The following STX5 variants were observed in gnomAD, a reference collection of about 807,000 sequenced individuals.
STX5 encodes syntaxin-5.
STX5 carries 15 observed loss-of-function variants against 42.9 expected under a neutral mutation model. The observed-to-expected ratio is 0.35, with a 90% CI of 0.23 to 0.54. The LOEUF (loss-of-function observed/expected upper bound fraction) is 0.54. STX5 is among the 20% of genes least tolerant of loss of function. The pLI is 0.91. For missense variants in STX5, 430 were observed against 455.0 expected (o/e 0.95, Z 0.50); for synonymous variants, 184 against 173.2 (o/e 1.06, Z -0.49).
At chr11:62,821,176 T>G (rs2084736085) in intron 10 of STX5, among the ~76,000 whole-genome samples, 1 of 151,338 alleles carries the variant, frequency 6.6e-6, no homozygotes. Flanking sequence ...GGCATGGTGG[T>G]GGGCACCTAT....
chr11:62,814,628 ATTT>A (rs59288995), intron 10 of STX5, among the ~76,000 whole-genome samples: 1 of 136,544 alleles, frequency 7.3e-6, no homozygotes, highest in Non-Finnish European at 1.6e-5. Context: ...CGCTCAGCTA[ATTT>A]TTTTTTTTTT....
intron 10 of STX5, among the ~76,000 whole-genome samples, chr11:62,812,577 C>G (rs568016069): frequency 4.6e-5 from 7 of 151,878 alleles, no homozygotes; most frequent in Admixed American, 1.3e-4. Context: ...GGTCACCACA[C>G]CCGGCTAATT....
In STX5 at chr11:62,824,260, T is replaced by C; in HGVS notation, c.814A>G (p.Thr272Ala). ...ATTGTCGACTCAATGTTCTGCATGGTGTCTGCCCGACTCTGGATGTAGGAA... is the reference window on the plus strand; with the variant it reads ...ATTGTCGACTCAATGTTCTGCATGGCGTCTGCCCGACTCTGGATGTAGGAA... ...QDSYIQSRAD[T>A]MQNIESTIVE... The change falls in exon 10 of 11, where the codon ACC becomes GCC. Residue 272 changes from threonine to alanine, a missense_variant. By Grantham distance (58) the Thr-to-Ala change is moderately conservative. Transcript: ENST00000294179. 6.2e-7 allele frequency: 1 copy of C among 1,614,200 alleles called. No homozygotes were observed. Among genetic ancestry groups the C allele is most frequent in the South Asian group, 1.1e-5 (1 of 91,090 alleles).
intron 10 of STX5, among the ~76,000 whole-genome samples, chr11:62,812,463 G>C (rs2084627883): frequency 6.6e-6 from 1 of 151,796 alleles, no homozygotes; most frequent in Non-Finnish European, 1.5e-5. Context: ...CCAGGTTGGA[G>C]TGCAGTGGCG....
At chr11:62,831,839 G>C in intron 1 of STX5, 115 bp downstream of exon 1, 3 of 450,136 alleles carry the variant, frequency 6.7e-6, no homozygotes, top group South Asian at 3.1e-5. Flanking sequence ...GAGCCGGGCC[G>C]GCAGGACTTG....
chr11:62,813,825 A>T (rs999418911), intron 10 of STX5, among the ~76,000 whole-genome samples: 1 of 152,152 alleles, frequency 6.6e-6, no homozygotes, highest in African/African-American at 2.4e-5. Flanking sequence ...GCATTGCTAC[A>T]ATAGCCTCTG....
chr11:62,821,747 A>T (rs116971792), intron 10 of STX5, among the ~76,000 whole-genome samples: 337 of 146,252 alleles, frequency 2.3e-3, no homozygotes, highest in Non-Finnish European at 4.0e-3. Flanking sequence ...TAAAATTAAC[A>T]CCGGGCATGG....
At chr11:62,830,716 T>C (rs902204858) in intron 2 of STX5, among the ~76,000 whole-genome samples, 5 of 152,218 alleles carry the variant, frequency 3.3e-5, no homozygotes, top group Admixed American at 3.3e-4. Flanking sequence ...CTAAAGGCTC[T>C]TCCTAGAACT....
intron 10 of STX5, among the ~76,000 whole-genome samples, chr11:62,818,725 T>G (rs1388936131): frequency 6.9e-6 from 1 of 144,358 alleles, no homozygotes; most frequent in Non-Finnish European, 1.5e-5. Flanking sequence ...CAGCCTGGTG[T>G]GGTGGTGTAT....
chr11:62,812,089 T>C (rs2084623308), intron 10 of STX5, among the ~76,000 whole-genome samples: 1 of 150,330 alleles, frequency 6.7e-6, no homozygotes, highest in African/African-American at 2.4e-5. Context: ...TTTTTTTTTT[T>C]TTTTTGAGAT....
In STX5 at chr11:62,832,050, C is replaced by G; in HGVS notation, c.-116G>C. On this transcript the variant is annotated 5_prime_UTR_variant, in exon 1 of 11. Coordinates refer to ENST00000294179, the MANE Select transcript of STX5 (RefSeq NM_003164.5). ...GAAGCCGCCGAAACCCGACCAAAGA[C>G]TGGAAGCGGCCACGTCACCTACACG... 2.0e-6 allele frequency: 1 copy of G among 500,194 alleles called. No individual in the cohort carries two copies. Among genetic ancestry groups the G allele is most frequent in the East Asian group, 5.7e-5 (1 of 17,554 alleles). The allele number at this position is 500,194 out of a possible 1,614,324, so 31.0% of individuals were successfully genotyped here.
At chr11:62,812,701 G>A (rs1018149590) in intron 10 of STX5, among the ~76,000 whole-genome samples, 6 of 151,840 alleles carry the variant, frequency 4.0e-5, no homozygotes, top group African/African-American at 9.7e-5. Context: ...GATTACAGGC[G>A]TGAGCCACCA....
intron 10 of STX5, among the ~76,000 whole-genome samples, chr11:62,814,182 T>C (rs1380781737): frequency 6.6e-6 from 1 of 152,204 alleles, no homozygotes; most frequent in Non-Finnish European, 1.5e-5. Context: ...TTAATTTACT[T>C]GAGATGGAGT....
At chr11:62,814,925 A>G (rs1346199032) in intron 10 of STX5, among the ~76,000 whole-genome samples, 1 of 151,970 alleles carries the variant, frequency 6.6e-6, no homozygotes, top group Non-Finnish European at 1.5e-5. Flanking sequence ...GCTATTAAAC[A>G]GTTTGGGGAC....
At chr11:62,823,246 C>G (rs867446139) in intron 10 of STX5, among the ~76,000 whole-genome samples, 1 of 151,876 alleles carries the variant, frequency 6.6e-6, no homozygotes, top group African/African-American at 2.4e-5. Context: ...TCCATCATGG[C>G]TCACTGCAGC....
intron 10 of STX5, among the ~76,000 whole-genome samples, chr11:62,814,451 G>A (rs1013716022): frequency 6.8e-5 from 9 of 132,582 alleles, no homozygotes; most frequent in Admixed American, 8.7e-5. Context: ...GTGAGCCACC[G>A]CACCCGGGAC....
chr11:62,830,944 T>C (rs2134864498), intron 2 of STX5, 75 bp downstream of exon 2: 1 of 1,365,916 alleles, frequency 7.3e-7, no homozygotes, highest in African/African-American at 1.4e-5. Context: ...TTACTTCGGT[T>C]AACAGTGGTG....
intron 10 of STX5, among the ~76,000 whole-genome samples, chr11:62,819,682 C>T (rs2084717299): frequency 6.6e-6 from 1 of 151,630 alleles, no homozygotes; most frequent in African/African-American, 2.4e-5. Context: ...TGTGCATCAC[C>T]ACGCCCAGCT....
chr11:62,821,346 G>T (rs2084738245), intron 10 of STX5, among the ~76,000 whole-genome samples: 1 of 151,996 alleles, frequency 6.6e-6, no homozygotes, highest in South Asian at 2.1e-4. Flanking sequence ...AAACCCTCTT[G>T]CTTCATCCTT....
Sources: gnomAD v4.1 joint callset for allele counts (sites outside exome capture counted in the v4.1 genomes callset) on GRCh38, gnomAD v4.1.1 for gene constraint, MANE v1.5 for transcripts, NCBI Gene and HGNC (gene_info 2026-07-23, HGNC 2026-07-21) for gene names.